SRPK2: variants seen among roughly 807,000 people sequenced by gnomAD.
The protein encoded by SRPK2 is SRSF protein kinase 2, also known as SFRS protein kinase 2.
A neutral mutation model predicts 90.8 loss-of-function variants in SRPK2; 21 were observed. The ratio of observed to expected loss-of-function variants is 0.23; its 90% CI spans 0.16 to 0.33. The LOEUF is 0.33. SRPK2 is among the 10% of genes least tolerant of loss of function. The pLI is 1.00. For synonymous variants in SRPK2, 288 were observed against 311.1 expected, an observed-to-expected ratio of 0.93 and a Z score of 0.78; for missense variants, 620 against 869.0, an observed-to-expected ratio of 0.71 and a Z score of 3.60.
At chr7:105,246,077 A>G (rs1801619705) in intron 2 of SRPK2, among the ~76,000 whole-genome samples, 1 of 152,172 alleles carries the variant, frequency 6.6e-6, no homozygotes, top group African/African-American at 2.4e-5. Flanking sequence ...ATCGGCAAAA[A>G]TCCTTACTAT....
intron 2 of SRPK2, among the ~76,000 whole-genome samples, chr7:105,210,041 G>A (rs964024615): frequency 2.6e-5 from 4 of 152,122 alleles, no homozygotes; most frequent in Admixed American, 2.0e-4. Flanking sequence ...CTCAACAACC[G>A]AGGAAACTAC....
intron 3 of SRPK2, among the ~76,000 whole-genome samples, chr7:105,174,900 T>C (rs564496730): frequency 1.3e-5 from 2 of 151,924 alleles, no homozygotes; most frequent in Non-Finnish European, 2.9e-5. Flanking sequence ...TCACAACAAT[T>C]TGGGAGGCCG....
chr7:105,141,909 C>T, intron 11 of SRPK2, 99 bp downstream of exon 11: 1 of 1,377,880 alleles, frequency 7.3e-7, no homozygotes, highest in Non-Finnish European at 9.9e-7. Flanking sequence ...TACACACACA[C>T]AGGGCTTGGC....
intron 2 of SRPK2, among the ~76,000 whole-genome samples, chr7:105,255,830 G>A (rs569267790): frequency 3.9e-5 from 6 of 151,962 alleles, no homozygotes; most frequent in Non-Finnish European, 8.8e-5. Context: ...TACTCAGGAG[G>A]TTGAGGCAGG....
chr7:105,213,293 A>C (rs1797074194), intron 2 of SRPK2, among the ~76,000 whole-genome samples: 1 of 152,228 alleles, frequency 6.6e-6, no homozygotes, highest in Admixed American at 6.5e-5. Flanking sequence ...TGGGATACCA[A>C]GCAGCATAGA....
chr7:105,217,138 G>A (rs1414212072), intron 2 of SRPK2, among the ~76,000 whole-genome samples: 1 of 152,120 alleles, frequency 6.6e-6, no homozygotes, highest in East Asian at 1.9e-4. Flanking sequence ...GTTCATCTCT[G>A]ACTATCCTAA....
At chr7:105,357,404 T>C (rs992948211) in intron 2 of SRPK2, among the ~76,000 whole-genome samples, 5 of 152,252 alleles carry the variant, frequency 3.3e-5, no homozygotes, top group Non-Finnish European at 4.4e-5. Flanking sequence ...CTTAGTCTCC[T>C]CCCTGTCCCT....
intron 11 of SRPK2, 86 bp downstream of exon 11, chr7:105,141,922 C>T (rs1314825720): frequency 6.0e-6 from 9 of 1,496,210 alleles, no homozygotes; most frequent in Non-Finnish European, 8.1e-6. Context: ...GGCTTGGCCA[C>T]TTCCAGCCAA....
At chr7:105,130,578 T>C (rs1281916035) in intron 13 of SRPK2, among the ~76,000 whole-genome samples, 1 of 151,910 alleles carries the variant, frequency 6.6e-6, no homozygotes, top group Non-Finnish European at 1.5e-5. Flanking sequence ...CCTCAAAGAC[T>C]ATATATAGGC....
intron 2 of SRPK2, among the ~76,000 whole-genome samples, chr7:105,329,376 G>A (rs1281706850): frequency 3.9e-5 from 6 of 152,154 alleles, no homozygotes; most frequent in African/African-American, 1.4e-4. Flanking sequence ...GACTGAGACA[G>A]ACCTAGTTAA....
At chr7:105,363,584 T>C (rs1201438068) in intron 2 of SRPK2, among the ~76,000 whole-genome samples, 1 of 152,076 alleles carries the variant, frequency 6.6e-6, no homozygotes, top group Admixed American at 6.6e-5. Flanking sequence ...TTGGTGGGAG[T>C]GTAAATTAGT....
intron 2 of SRPK2, among the ~76,000 whole-genome samples, chr7:105,287,572 T>C (rs904035033): frequency 6.6e-6 from 1 of 151,792 alleles, no homozygotes; most frequent in African/African-American, 2.4e-5. Flanking sequence ...CCCGTCTCTG[T>C]TAAAAATATA....
Position 105,117,772 on chromosome 7 carries a change from G to A in SRPK2, c.*66C>T. On this transcript the variant is annotated 3_prime_UTR_variant, in exon 16 of 16. Coordinates refer to ENST00000393651, the MANE Select transcript of SRPK2 (RefSeq NM_182692.3). ...CTTGTAATCCTGTTAAAGAATGAGAGTCACCGTTTAGGTCCAATGTACTGG... is the reference window on the plus strand; with the variant it reads ...CTTGTAATCCTGTTAAAGAATGAGAATCACCGTTTAGGTCCAATGTACTGG... 6.5e-7 allele frequency: 1 copy of A among 1,532,758 alleles called. No homozygotes were observed. Among genetic ancestry groups the A allele is most frequent in the Non-Finnish European group, 9.0e-7 (1 of 1,114,290 alleles). 94.9% of individuals were successfully genotyped at this position (1,532,758 alleles called of 1,614,324 possible). A position where few individuals can be genotyped will look rare whatever the true frequency, so the allele number is the denominator to read the frequency against.
chr7:105,244,910 G>A, intron 2 of SRPK2: 2 of 1,484,304 alleles, frequency 1.3e-6, no homozygotes, highest in Non-Finnish European at 1.9e-6. Context: ...CCAAGAGGAA[G>A]CGGGAGGAGC....
At chr7:105,145,397 A>G (rs1804453265) in intron 8 of SRPK2, 89 bp from the exon 9 acceptor site, 10 of 947,786 alleles carry the variant, frequency 1.1e-5, no homozygotes, top group African/African-American at 1.6e-5. Flanking sequence ...TGAAATAATT[A>G]TTGTCTTTTA....
chr7:105,319,609 A>G (rs1585689451), intron 2 of SRPK2, among the ~76,000 whole-genome samples: 1 of 150,406 alleles, frequency 6.6e-6, no homozygotes, highest in East Asian at 2.0e-4. Context: ...TGGCCTGAGA[A>G]GGACTCCGTA....
rs192091424 is a variant in SRPK2 at position 105,319,357 on chromosome 7, A to T, written c.71+69291T>A. ...ACAGCCCTCCATTTATGGTTTTGTGAATTTTTTTTAACATTATCAAGGCTA... is the reference window on the plus strand; with the variant it reads ...ACAGCCCTCCATTTATGGTTTTGTGTATTTTTTTTAACATTATCAAGGCTA... On this transcript the variant is annotated intron_variant, in intron 2 of 15. Coordinates refer to ENST00000393651, the MANE Select transcript of SRPK2 (RefSeq NM_182692.3). Among the ~76,000 whole-genome samples the T allele has an allele frequency of 2.0e-4, 31 of 152,148 alleles. No homozygotes were observed. In the East Asian group the frequency reaches 5.6e-3, roughly 27 times the overall value.
chr7:105,186,885 C>T (rs1342945551), intron 3 of SRPK2, among the ~76,000 whole-genome samples: 1 of 152,182 alleles, frequency 6.6e-6, no homozygotes, highest in Non-Finnish European at 1.5e-5. Flanking sequence ...ATGCAAAGGG[C>T]ATGGATAGGT....
chr7:105,185,072 A>G (rs1428980825), intron 3 of SRPK2, among the ~76,000 whole-genome samples: 1 of 151,924 alleles, frequency 6.6e-6, no homozygotes, highest in African/African-American at 2.4e-5. Context: ...CTGTTCAAAA[A>G]CTTTGGGCTC....
Sources: allele counts gnomAD v4.1 joint callset (sites outside exome capture counted in the v4.1 genomes callset), GRCh38; gene constraint gnomAD v4.1.1; transcripts MANE v1.5; gene names NCBI Gene and HGNC (gene_info 2026-07-23, HGNC 2026-07-21).